NXPH2: variants seen among roughly 807,000 people sequenced by gnomAD.
The protein encoded by NXPH2 is neurexophilin 2.
NXPH2 carries 5 observed loss-of-function variants against 19.8 expected under a neutral mutation model. The ratio of observed to expected loss-of-function variants is 0.25; its 90% CI spans 0.13 to 0.53. The LOEUF is 0.53. NXPH2 is among the 20% of genes least tolerant of loss of function. The pLI is 0.96. For missense variants in NXPH2, 289 were observed against 322.8 expected (o/e 0.90, Z 0.80); for synonymous variants, 154 against 127.4 (o/e 1.21, Z -1.41).
chr2:138,696,920 T>C (rs574881970), intron 1 of NXPH2, among the ~76,000 whole-genome samples: 2 of 152,084 alleles, frequency 1.3e-5, no homozygotes, highest in Non-Finnish European at 2.9e-5. Flanking sequence ...TAATGGATAA[T>C]TAAATTGAAA....
intron 1 of NXPH2, among the ~76,000 whole-genome samples, chr2:138,716,740 C>A (rs555165430): frequency 6.6e-6 from 1 of 152,102 alleles, no homozygotes; most frequent in Non-Finnish European, 1.5e-5. Context: ...CAGTGAAAAG[C>A]GGCATGACAC....
intron 1 of NXPH2, among the ~76,000 whole-genome samples, chr2:138,740,794 TG>T (rs1386702446): frequency 6.6e-6 from 1 of 151,862 alleles, no homozygotes; most frequent in East Asian, 1.9e-4. Context: ...TAGTTTGCAA[TG>T]GGGCTTGTGG....
chr2:138,769,768 C>T (rs1682147124), intron 1 of NXPH2, among the ~76,000 whole-genome samples: 1 of 152,178 alleles, frequency 6.6e-6, no homozygotes, highest in Non-Finnish European at 1.5e-5. Context: ...TACCCTGAGG[C>T]TCCATTCAGT....
intron 1 of NXPH2, among the ~76,000 whole-genome samples, chr2:138,729,802 C>A (rs574527593): frequency 2.6e-4 from 39 of 152,268 alleles, no homozygotes; most frequent in African/African-American, 8.9e-4. Context: ...TTTTGACACT[C>A]CTCTCTTTAA....
chr2:138,729,371 G>A (rs1681410233), intron 1 of NXPH2, among the ~76,000 whole-genome samples: 1 of 152,190 alleles, frequency 6.6e-6, no homozygotes, highest in African/African-American at 2.4e-5. Flanking sequence ...ACCTTGTGAA[G>A]AAGGATGTGT....
chr2:138,687,002 G>A lies in NXPH2; in HGVS notation c.52-15337C>T, dbSNP rs1359751485. 9.9e-5 allele frequency among the ~76,000 whole-genome samples: 15 copies of A among 152,112 alleles called. No individual in the cohort carries two copies. The South Asian group carries it at 1.0e-3, about 11-fold the overall frequency. On this transcript the variant is annotated intron_variant, in intron 1 of 1. Transcript: ENST00000272641. The stretch of plus-strand genomic sequence containing the variant: ...AGTCTTTGCTATTGTGAATAGTGCC[G>A]CAATAAACATATGTGTGCATGTGTC...
intron 1 of NXPH2, among the ~76,000 whole-genome samples, chr2:138,697,297 A>G (rs1023603317): frequency 6.6e-6 from 1 of 152,146 alleles, no homozygotes; most frequent in Non-Finnish European, 1.5e-5. Flanking sequence ...AATGATTTAA[A>G]TAATAAACCA....
intron 1 of NXPH2, among the ~76,000 whole-genome samples, chr2:138,688,094 A>G (rs1168055932): frequency 6.6e-6 from 1 of 152,176 alleles, no homozygotes; most frequent in African/African-American, 2.4e-5. Flanking sequence ...TGGTAGCTTG[A>G]TGGGGATGGC....
chr2:138,777,831 T>TAAA lies in NXPH2; in HGVS notation c.51+2357_51+2359dup, dbSNP rs11299940. Among the ~76,000 whole-genome samples, 706 of 92,942 alleles carry TAAA rather than the reference T, an allele frequency of 7.6e-3. 12 individuals are homozygous for TAAA. The highest frequency in any genetic ancestry group is 0.014 in the African/African-American group (341 of 24,178). The allele number at this position is 92,942 out of a possible 152,430, so 61.0% of individuals were successfully genotyped here. A position where few individuals can be genotyped will look rare whatever the true frequency, so the allele number is the denominator to read the frequency against. On this transcript the variant is annotated intron_variant, in intron 1 of 1. Coordinates refer to ENST00000272641, the MANE Select transcript of NXPH2 (RefSeq NM_007226.3). ...CTTCACTCCTCCCTCACCAAAAAAT[T>TAAA]AAAAAAAAAAAAAAAAAAAAAAAGC...
At chr2:138,675,955 ATGTGTGTGTGTGTGTG>A (rs61124904) in intron 1 of NXPH2, among the ~76,000 whole-genome samples, 3 of 150,322 alleles carry the variant, frequency 2.0e-5, no homozygotes, top group African/African-American at 4.9e-5. Flanking sequence ...ATATATACAT[ATGTGTGTGTGTGTGTG>A]TGTGTGTGTG....
intron 1 of NXPH2, among the ~76,000 whole-genome samples, chr2:138,760,198 A>G (rs1005435818): frequency 3.3e-5 from 5 of 152,200 alleles, no homozygotes; most frequent in East Asian, 1.9e-4. Flanking sequence ...ACAAATGTCC[A>G]TATATACAGG....
chr2:138,774,078 A>G (rs1190218109), intron 1 of NXPH2, among the ~76,000 whole-genome samples: 1 of 152,212 alleles, frequency 6.6e-6, no homozygotes, highest in Non-Finnish European at 1.5e-5. Flanking sequence ...TCAGGCACAC[A>G]AAAGTCACTT....
At chr2:138,765,513 G>A (rs1449626564) in intron 1 of NXPH2, among the ~76,000 whole-genome samples, 1 of 152,060 alleles carries the variant, frequency 6.6e-6, no homozygotes, top group African/African-American at 2.4e-5. Context: ...TTACCTTAAA[G>A]AAAAAACTTA....
At chr2:138,726,692 C>A (rs1311168385) in intron 1 of NXPH2, among the ~76,000 whole-genome samples, 1 of 152,050 alleles carries the variant, frequency 6.6e-6, no homozygotes, top group Non-Finnish European at 1.5e-5. Flanking sequence ...ACAGAGGTTT[C>A]TCCCACACAT....
At chr2:138,707,105 A>AAAAAAAAAAAAAAAAAAAAAAAAAAAC (rs1681028969) in intron 1 of NXPH2, among the ~76,000 whole-genome samples, 1 of 146,648 alleles carries the variant, frequency 6.8e-6, no homozygotes, top group African/African-American at 2.5e-5. Flanking sequence ...AAAAAAAAAA[A>AAAAAAAAAAAAAAAAAAAAAAAAAAAC]AAAAAAAGAG....
rs565924625 is a variant in NXPH2 at position 138,736,398 on chromosome 2, T to C, written c.51+43793A>G. Among the ~76,000 whole-genome samples, 29 of 152,314 alleles carry C rather than the reference T, an allele frequency of 1.9e-4. 2 individuals carry two copies. Among genetic ancestry groups the C allele is most frequent in the Non-Finnish European group, 1.5e-5 (1 of 68,024 alleles). On this transcript the variant is annotated intron_variant, in intron 1 of 1. Transcript: ENST00000272641. ...TCAACACTATGTGGAAGCTGCTCAG[T>C]CTTGGGGCTTGCAACCTCTGAAGCC... is the stretch of plus-strand genomic sequence containing the variant.
intron 1 of NXPH2, among the ~76,000 whole-genome samples, chr2:138,714,369 C>T (rs1004277791): frequency 9.2e-5 from 14 of 151,990 alleles, no homozygotes; most frequent in Non-Finnish European, 1.9e-4. Flanking sequence ...GTCCTATATC[C>T]CACTTAATAA....
At chr2:138,744,705 C>T (rs185634546) in intron 1 of NXPH2, among the ~76,000 whole-genome samples, 1 of 151,702 alleles carries the variant, frequency 6.6e-6, no homozygotes, top group African/African-American at 2.4e-5. Flanking sequence ...CCCAGTCACT[C>T]TCTCTCGGGC....
chr2:138,674,203 G>T (rs1349378196), intron 1 of NXPH2, among the ~76,000 whole-genome samples: 2 of 151,768 alleles, frequency 1.3e-5, no homozygotes, highest in African/African-American at 2.4e-5. Flanking sequence ...ACCCAGGCTG[G>T]AGTGGAGTGG....
Sources: allele counts gnomAD v4.1 joint callset (sites outside exome capture counted in the v4.1 genomes callset), GRCh38; gene constraint gnomAD v4.1.1; transcripts MANE v1.5; gene names NCBI Gene and HGNC (gene_info 2026-07-23, HGNC 2026-07-21).